The following RNF157 variants were observed in gnomAD, a reference collection of about 807,000 sequenced individuals.
The protein encoded by RNF157 is E3 ubiquitin ligase RNF157.
RNF157 carries 55 observed loss-of-function variants against 88.3 expected under a neutral mutation model. That is an observed-to-expected ratio of 0.62 (90% CI 0.50 to 0.78). RNF157 has a LOEUF of 0.78. Among genes scored for constraint, RNF157 ranks in the 30% least tolerant of loss-of-function variants. The pLI is 0.00. For missense variants in RNF157, 788 were observed against 860.8 expected (o/e 0.92, Z 1.06); for synonymous variants, 334 against 341.2 (o/e 0.98, Z 0.23).
At chr17:76,210,508 T>G in intron 2 of RNF157, among the ~76,000 whole-genome samples, 1 of 128,620 alleles carries the variant, frequency 7.8e-6, no homozygotes, top group East Asian at 2.6e-4. Context: ...GAGAATGGCG[T>G]GAACCCGGGA....
rs996643503 is a variant in RNF157 at position 76,186,389 on chromosome 17, C to T, written c.208-12599G>A. Among the ~76,000 whole-genome samples the T allele has an allele frequency of 2.0e-5, 3 of 151,756 alleles. No homozygotes were observed. The East Asian group carries it at 5.8e-4, about 30-fold the overall frequency. On this transcript the variant is annotated intron_variant, in intron 2 of 18. Transcript: ENST00000269391. ...GGGCGTGGTGGCGGGTGCCTGTAAT[C>T]CCAGCTACTCAGGAGGCTGAGGCAG...
At position 76,210,506 on chromosome 17, in the gene RNF157, C is replaced by T. The variant is rs559450669; in HGVS notation, c.207+1858G>A. 7.3e-4 allele frequency among the ~76,000 whole-genome samples: 106 copies of T among 145,374 alleles called. 2 individuals carry two copies. The highest frequency in any genetic ancestry group is 2.0e-3 in the South Asian group (9 of 4,420). On this transcript the variant is annotated intron_variant, in intron 2 of 18. Transcript: ENST00000269391. Reference sequence around the variant, plus strand: ...TCAGGAGGCTGAGGCAGGAGAATGGCGTGAACCCGGGAGGCAGAGCTTTCA... The same window carrying T: ...TCAGGAGGCTGAGGCAGGAGAATGGTGTGAACCCGGGAGGCAGAGCTTTCA...
intron 1 of RNF157, among the ~76,000 whole-genome samples, chr17:76,217,547 C>T (rs1025940576): frequency 1.3e-5 from 2 of 151,986 alleles, no homozygotes; most frequent in African/African-American, 2.4e-5. Context: ...GATACCAACA[C>T]CAAACACATC....
intron 1 of RNF157, chr17:76,225,986 T>C: frequency 6.2e-7 from 1 of 1,611,092 alleles, no homozygotes; most frequent in South Asian, 1.1e-5. Flanking sequence ...TTTCTCACCC[T>C]TTACTTTTGC....
chr17:76,200,145 G>C (rs905006707), intron 2 of RNF157, among the ~76,000 whole-genome samples: 2 of 152,084 alleles, frequency 1.3e-5, no homozygotes, highest in East Asian at 1.9e-4. Flanking sequence ...CGGAGGCTGA[G>C]GCAGGAGAAT....
In RNF157 at chr17:76,226,145, A is replaced by G. The variant is rs1598443940; in HGVS notation, c.89-13663T>C. The G allele has an allele frequency of 7.5e-6, 12 of 1,603,668 alleles. No individual in the cohort carries two copies. The East Asian group carries it at 2.7e-4, about 36-fold the overall frequency. On this transcript the variant is annotated intron_variant, in intron 1 of 18. Transcript: ENST00000269391. ...CAGATAGGACTCTGGGCTCATACAG[A>G]TGCCACTATCATTATCTGAAGGGGT... is the stretch of plus-strand genomic sequence containing the variant.
intron 1 of RNF157, chr17:76,226,802 G>A (rs2070096118): frequency 1.9e-6 from 3 of 1,550,150 alleles, no homozygotes; most frequent in Non-Finnish European, 1.7e-6. Context: ...GCTCATTTCG[G>A]TCATGTTGCG....
At chr17:76,193,859 G>A (rs779726707) in intron 2 of RNF157, among the ~76,000 whole-genome samples, 9 of 152,126 alleles carry the variant, frequency 5.9e-5, no homozygotes, top group African/African-American at 1.4e-4. Context: ...GCGCCTGGCC[G>A]AGGGCTGCTG....
chr17:76,240,136 C>G lies in RNF157; in HGVS notation c.88+17G>C. On this transcript the variant is annotated intron_variant, in intron 1 of 18. Coordinates refer to ENST00000269391, the MANE Select transcript of RNF157 (RefSeq NM_052916.3). The surrounding 1 kb of genome is among the most constrained non-coding windows in gnomAD (Gnocchi z 4.4). ...CCCCTCTCCCTCCTCGCGGCTGCGG[C>G]GCCCGCCCGCCCTCACCGGACTTGG... is the stretch of plus-strand genomic sequence containing the variant. 7.7e-7 allele frequency: 1 copy of G among 1,302,820 alleles called. No homozygotes were observed. The highest frequency in any genetic ancestry group is 3.0e-5 in the East Asian group (1 of 33,868). 80.7% of individuals were successfully genotyped at this position (1,302,820 alleles called of 1,614,324 possible). A position where few individuals can be genotyped will look rare whatever the true frequency, so the allele number is the denominator to read the frequency against.
intron 18 of RNF157, 153 bp from the exon 19 acceptor site, chr17:76,145,506 G>C: frequency 1.7e-6 from 1 of 593,714 alleles, no homozygotes. Flanking sequence ...ACTCGTGTGT[G>C]AGAACGGAGA....
In RNF157 at chr17:76,226,806, T is replaced by C. The variant is rs768589736; in HGVS notation, c.88+13347A>G. The C allele has an allele frequency of 2.6e-5, 40 of 1,545,062 alleles. No individual in the cohort carries two copies. The Middle Eastern group carries it at 2.2e-3, about 84-fold the overall frequency. ...TTGCTCAGGAAGCTCATTTCGGTCA[T>C]GTTGCGGTGCTTTGCTGGAATCGAG... On this transcript the variant is annotated intron_variant, in intron 1 of 18. Transcript: ENST00000269391.
chr17:76,213,008 A>G (rs1319144682), intron 1 of RNF157, among the ~76,000 whole-genome samples: 1 of 152,226 alleles, frequency 6.6e-6, no homozygotes, highest in Non-Finnish European at 1.5e-5. Context: ...AACGTAGACT[A>G]GATCACTGTT....
intron 18 of RNF157, among the ~76,000 whole-genome samples, chr17:76,149,647 C>G (rs2068642775): frequency 6.6e-6 from 1 of 152,154 alleles, no homozygotes; most frequent in African/African-American, 2.4e-5. Flanking sequence ...CACATTCTGC[C>G]TAGAGAGACG....
Position 76,210,401 on chromosome 17 carries a change from T to C in RNF157, c.207+1963A>G, listed in dbSNP as rs867107613. 6.1e-4 allele frequency among the ~76,000 whole-genome samples: 93 copies of C among 151,544 alleles called. 1 individual carries two copies. The highest frequency in any genetic ancestry group is 4.6e-3 in the South Asian group (22 of 4,790). On this transcript the variant is annotated intron_variant, in intron 2 of 18. Coordinates refer to ENST00000269391, the MANE Select transcript of RNF157 (RefSeq NM_052916.3). ...GAGGTCAGATCGAGACCATCCTGGC[T>C]AACACAGTGAAACCCCGTCTCTACT... is the stretch of plus-strand genomic sequence containing the variant.
chr17:76,194,523 T>C (rs2069440950), intron 2 of RNF157, among the ~76,000 whole-genome samples: 1 of 152,100 alleles, frequency 6.6e-6, no homozygotes, highest in African/African-American at 2.4e-5. Flanking sequence ...GGCTGTGAAG[T>C]GGATAGTTTA....
intron 1 of RNF157, among the ~76,000 whole-genome samples, chr17:76,222,460 G>A (rs1293224139): frequency 1.3e-5 from 2 of 152,034 alleles, no homozygotes; most frequent in Admixed American, 6.6e-5. Flanking sequence ...CGTGAACTTC[G>A]CCTCAATTTT....
intron 3 of RNF157, among the ~76,000 whole-genome samples, chr17:76,171,257 C>T (rs1021373514): frequency 1.3e-5 from 2 of 152,032 alleles, no homozygotes; most frequent in Non-Finnish European, 2.9e-5. Context: ...GGTACAATCT[C>T]GGCTCACTGC....
intron 12 of RNF157, 145 bp from the exon 13 acceptor site, chr17:76,158,646 G>A (rs1167323390): frequency 1.6e-6 from 1 of 618,582 alleles, no homozygotes; most frequent in African/African-American, 1.8e-5. Context: ...CCCAGGCTGG[G>A]CTGGGACTCC....
At chr17:76,149,262 T>A (rs1483541265) in intron 18 of RNF157, among the ~76,000 whole-genome samples, 1 of 151,650 alleles carries the variant, frequency 6.6e-6, no homozygotes, top group Non-Finnish European at 1.5e-5. Flanking sequence ...ACCAGCCAGG[T>A]CTCCTGGCAG....
Sources: allele counts gnomAD v4.1 joint callset (sites outside exome capture counted in the v4.1 genomes callset), GRCh38; gene constraint gnomAD v4.1.1; non-coding constraint Gnocchi (gnomAD v3.1); transcripts MANE v1.5; gene names NCBI Gene and HGNC (gene_info 2026-07-23, HGNC 2026-07-21).